The following GPRC5A variants were observed in gnomAD, a reference collection of about 807,000 sequenced individuals.
The protein encoded by GPRC5A is retinoic acid-induced protein 3.
Under a neutral mutation model 22.5 loss-of-function variants are expected in GPRC5A, and 19 were observed. The observed-to-expected ratio is 0.85, with a 90% CI of 0.59 to 1.24. GPRC5A has a LOEUF of 1.24. Ranked by LOEUF, GPRC5A falls within the 50% of genes most tolerant of loss-of-function variation. The pLI is 0.00. For missense variants in GPRC5A, 471 were observed against 451.1 expected (o/e 1.04, Z -0.40); for synonymous variants, 192 against 184.5 (o/e 1.04, Z -0.33).
Position 12,908,654 on chromosome 12 carries a change from G to A in GPRC5A, c.405G>A (p.Leu135=). The change falls in exon 2 of 4, where the codon CTG becomes CTA. Residue 135 remains leucine (L), a synonymous_variant. Transcript: ENST00000014914. ...GRKPLSLLVI[L]GLAVGFSLVQ... The stretch of plus-strand genomic sequence containing the variant: ...AGCCCCTTTCCCTGTTGGTGATTCT[G>A]GGTCTGGCCGTGGGCTTCAGCCTAG... 5 of 1,613,942 alleles carry A rather than the reference G, an allele frequency of 3.1e-6. No homozygotes were observed. The highest frequency in any genetic ancestry group is 4.2e-6 in the Non-Finnish European group (5 of 1,179,880).
At chr12:12,900,040 C>T (rs747468815) in intron 1 of GPRC5A, among the ~76,000 whole-genome samples, 6 of 152,280 alleles carry the variant, frequency 3.9e-5, no homozygotes, top group Non-Finnish European at 5.9e-5. Flanking sequence ...AAACCCAAAG[C>T]GGGAGACTCA....
At position 12,912,763 on chromosome 12, in the gene GPRC5A, C is replaced by G; in HGVS notation, c.*224C>G. The G allele has an allele frequency of 2.0e-6, 1 of 491,580 alleles. No individual in the cohort carries two copies. Among genetic ancestry groups the G allele is most frequent in the Non-Finnish European group, 3.5e-6 (1 of 282,388 alleles). The allele number at this position is 491,580 out of a possible 1,614,324, so 30.5% of individuals were successfully genotyped here. On this transcript the variant is annotated 3_prime_UTR_variant, in exon 4 of 4. Transcript: ENST00000014914. The stretch of plus-strand genomic sequence containing the variant: ...CTGTAGTATTTTTTTTTTTTTGTCT[C>G]ATCCTTTGGATACTTCTTTTAAGTG...
rs1246072159 is a variant in GPRC5A at position 12,917,392 on chromosome 12, CA to C, written c.*4854del. Reference sequence around the variant, plus strand: ...AGAAATCCTCTAGTTGGTGCCTCCACAGTCTTCATTTTACAGAGGAACTCAG... The same window carrying C: ...AGAAATCCTCTAGTTGGTGCCTCCACGTCTTCATTTTACAGAGGAACTCAG... On this transcript the variant is annotated 3_prime_UTR_variant, in exon 4 of 4. Coordinates refer to ENST00000014914, the MANE Select transcript of GPRC5A (RefSeq NM_003979.4). 2 of 152,108 alleles carry C rather than the reference CA, an allele frequency of 1.3e-5. No homozygotes were observed. Among genetic ancestry groups the C allele is most frequent in the East Asian group, 3.8e-4 (2 of 5,198 alleles). 9.4% of individuals were successfully genotyped at this position (152,108 alleles called of 1,614,324 possible).
chr12:12,911,626 C>T (rs1246829166), intron 2 of GPRC5A, among the ~76,000 whole-genome samples: 1 of 151,958 alleles, frequency 6.6e-6, no homozygotes, highest in South Asian at 2.1e-4. Flanking sequence ...GTAGCTGGGA[C>T]TACAGGTGCC....
rs59721062 is a variant in GPRC5A at position 12,914,594 on chromosome 12, T to TTCTTTCTTTCTTTCTTTCTTTCTCTCTC, written c.*2058_*2059insTTCTTTCTTTCTTTCTTTCTCTCTCTCT. ...TTTCTTTCTTTCTTTCTTTCTTTCTTTCTCTCTCTCTCTCTCTCTCTCTTT... is the reference window on the plus strand; with the variant it reads ...TTTCTTTCTTTCTTTCTTTCTTTCTTTCTTTCTTTCTTTCTTTCTTTCTCTCTCTCTCTCTCTCTCTCTCTCTCTCTTT... On this transcript the variant is annotated 3_prime_UTR_variant, in exon 4 of 4. Transcript: ENST00000014914. The TTCTTTCTTTCTTTCTTTCTTTCTCTCTC allele has an allele frequency of 6.0e-4, 49 of 81,430 alleles. No homozygotes were observed. Among genetic ancestry groups the TTCTTTCTTTCTTTCTTTCTTTCTCTCTC allele is most frequent in the South Asian group, 8.4e-4 (2 of 2,372 alleles). The allele number at this position is 81,430 out of a possible 1,614,324, so 5.0% of individuals were successfully genotyped here. A position where few individuals can be genotyped will look rare whatever the true frequency, so the allele number is the denominator to read the frequency against.
chr12:12,904,967 C>T (rs745805421), intron 1 of GPRC5A, among the ~76,000 whole-genome samples: 16 of 150,502 alleles, frequency 1.1e-4, no homozygotes, highest in Non-Finnish European at 1.3e-4. Context: ...CTCACTGCAC[C>T]TCTGCCTCCC....
chr12:12,911,521 T>A (rs1864004364), intron 2 of GPRC5A, among the ~76,000 whole-genome samples: 1 of 151,374 alleles, frequency 6.6e-6, no homozygotes, highest in Non-Finnish European at 1.5e-5. Flanking sequence ...CAGAGTCTTG[T>A]TCTGTCGCCC....
Position 12,908,346 on chromosome 12 carries a change from A to G in GPRC5A, c.97A>G (p.Thr33Ala). ...KAEAWGIVLE[T>A]VATAGVVTSV... ...TGAAGCTTGGGGCATCGTCCTAGAA[A>G]CGGTGGCCACAGCCGGGGTTGTGAC... The change falls in exon 2 of 4, where the codon ACG becomes GCG. Residue 33 changes from threonine (T) to alanine (A), a missense_variant. Thr to Ala is a moderately conservative substitution (Grantham distance 58). Coordinates refer to ENST00000014914, the MANE Select transcript of GPRC5A (RefSeq NM_003979.4). 1 of 1,614,068 alleles carries G rather than the reference A, an allele frequency of 6.2e-7. No homozygotes were observed. Among genetic ancestry groups the G allele is most frequent in the Non-Finnish European group, 8.5e-7 (1 of 1,180,002 alleles).
chr12:12,913,444 G>A lies in GPRC5A; in HGVS notation c.*905G>A, dbSNP rs1864028686. 1 of 152,268 alleles carries A rather than the reference G, an allele frequency of 6.6e-6. No individual in the cohort carries two copies. The highest frequency in any genetic ancestry group is 1.5e-5 in the Non-Finnish European group (1 of 68,050). 9.4% of individuals were successfully genotyped at this position (152,268 alleles called of 1,614,324 possible). A position where few individuals can be genotyped will look rare whatever the true frequency, so the allele number is the denominator to read the frequency against. ...CACAAGCCCGGTTGCTCCTTGTCAG[G>A]AGAATTTGTAGATCATTCTCACTTC... is the stretch of plus-strand genomic sequence containing the variant. On this transcript the variant is annotated 3_prime_UTR_variant, in exon 4 of 4. Coordinates refer to ENST00000014914, the MANE Select transcript of GPRC5A (RefSeq NM_003979.4).
rs74592374 is a variant in GPRC5A at position 12,897,483 on chromosome 12, C to T, written c.-8+5819C>T. Among the ~76,000 whole-genome samples, 50 of 152,036 alleles carry T rather than the reference C, an allele frequency of 3.3e-4. No homozygotes were observed. In the East Asian group the frequency reaches 9.3e-3, roughly 28 times the overall value. On this transcript the variant is annotated intron_variant, in intron 1 of 3. Coordinates refer to ENST00000014914, the MANE Select transcript of GPRC5A (RefSeq NM_003979.4). The stretch of plus-strand genomic sequence containing the variant: ...ACTCTAGGAAGATTTGCTTGCCTTG[C>T]ACGGAGGTGGAGACGGGAGTTAGGG...
chr12:12,900,203 T>C (rs1302827186), intron 1 of GPRC5A, among the ~76,000 whole-genome samples: 3 of 152,158 alleles, frequency 2.0e-5, no homozygotes, highest in Non-Finnish European at 2.9e-5. Flanking sequence ...CAACCTTACC[T>C]CTAGCCCTGG....
At chr12:12,899,411 G>A (rs972529777) in intron 1 of GPRC5A, among the ~76,000 whole-genome samples, 11 of 152,104 alleles carry the variant, frequency 7.2e-5, no homozygotes, top group Admixed American at 7.2e-4. Context: ...GAGAGAGGTT[G>A]GGGTCAGGGA....
Position 12,913,251 on chromosome 12 carries a change from C to T in GPRC5A, c.*712C>T, listed in dbSNP as rs1864026164. 1 of 152,788 alleles carries T rather than the reference C, an allele frequency of 6.5e-6. No homozygotes were observed. Among genetic ancestry groups the T allele is most frequent in the Admixed American group, 6.5e-5 (1 of 15,278 alleles). 9.5% of individuals were successfully genotyped at this position (152,788 alleles called of 1,614,324 possible). A position where few individuals can be genotyped will look rare whatever the true frequency, so the allele number is the denominator to read the frequency against. ...CTGGGTAGGAGAGGCTAAAGATCAC[C>T]CTAAATTTACTCATCTCTCTAGTGC... is the stretch of plus-strand genomic sequence containing the variant. On this transcript the variant is annotated 3_prime_UTR_variant, in exon 4 of 4. Coordinates refer to ENST00000014914, the MANE Select transcript of GPRC5A (RefSeq NM_003979.4).
rs1565466548 is a variant in GPRC5A at position 12,914,572 on chromosome 12, C to CTT, written c.*2035_*2036dup. ...TTCTTCTTTCTTTCTTTCTTTCTTT[C>CTT]TTTCTTTCTTTCTTTCTTTCTTTCT... On this transcript the variant is annotated 3_prime_UTR_variant, in exon 4 of 4. Coordinates refer to ENST00000014914, the MANE Select transcript of GPRC5A (RefSeq NM_003979.4). 41 of 77,268 alleles carry CTT rather than the reference C, an allele frequency of 5.3e-4. No homozygotes were observed. Among genetic ancestry groups the CTT allele is most frequent in the Admixed American group, 2.0e-3 (14 of 6,848 alleles). The allele number at this position is 77,268 out of a possible 1,614,324, so 4.8% of individuals were successfully genotyped here.
Position 12,916,130 on chromosome 12 carries a change from G to A in GPRC5A, c.*3591G>A. On this transcript the variant is annotated 3_prime_UTR_variant, in exon 4 of 4. Coordinates refer to ENST00000014914, the MANE Select transcript of GPRC5A (RefSeq NM_003979.4). ...GGCTTTGACATCTGAGAATCAAACT[G>A]GAGAACATTCCGAAGCCGTTCTTAT... 5.6e-6 allele frequency: 1 copy of A among 177,458 alleles called. No homozygotes were observed. Among genetic ancestry groups the A allele is most frequent in the Non-Finnish European group, 1.2e-5 (1 of 80,266 alleles). The allele number at this position is 177,458 out of a possible 1,614,324, so 11.0% of individuals were successfully genotyped here.
rs1156286591 is a variant in GPRC5A, at chr12:12,900,043, G to T, written c.-7-8200G>T. On this transcript the variant is annotated intron_variant, in intron 1 of 3. Transcript: ENST00000014914. ...GTCTCAGGTTAGAAACCCAAAGCGG[G>T]AGACTCATCACATGTTCACGTTTTT... is the stretch of plus-strand genomic sequence containing the variant. 2.0e-5 allele frequency among the ~76,000 whole-genome samples: 3 copies of T among 152,208 alleles called. No homozygotes were observed. The East Asian group carries it at 5.8e-4, about 29-fold the overall frequency.
At position 12,908,663 on chromosome 12, in the gene GPRC5A, C is replaced by T. The variant is rs372744055; in HGVS notation, c.414C>T (p.Ala138=). 13 of 1,613,670 alleles carry T rather than the reference C, an allele frequency of 8.1e-6. 1 individual carries two copies. The highest frequency in any genetic ancestry group is 8.0e-5 in the African/African-American group (6 of 74,910). The change falls in exon 2 of 4, where the codon GCC becomes GCT. Residue 138 remains alanine (A), a synonymous_variant. Coordinates refer to ENST00000014914, the MANE Select transcript of GPRC5A (RefSeq NM_003979.4). Reference sequence around the variant, plus strand: ...CCCTGTTGGTGATTCTGGGTCTGGCCGTGGGCTTCAGCCTAGTCCAGGATG... The same window carrying T: ...CCCTGTTGGTGATTCTGGGTCTGGCTGTGGGCTTCAGCCTAGTCCAGGATG... The part of the protein sequence containing the change: ...PLSLLVILGL[A]VGFSLVQDVI...
chr12:12,902,304 A>G (rs1179087004), intron 1 of GPRC5A, among the ~76,000 whole-genome samples: 2 of 152,136 alleles, frequency 1.3e-5, no homozygotes, highest in African/African-American at 4.8e-5. Flanking sequence ...TGATAATTCC[A>G]AACTAATTAG....
intron 2 of GPRC5A, among the ~76,000 whole-genome samples, chr12:12,910,295 G>A (rs1251928827): frequency 6.6e-6 from 1 of 152,106 alleles, no homozygotes; most frequent in African/African-American, 2.4e-5. Context: ...GAAGGGAGGC[G>A]GAGGAGGGCA....
Sources: allele counts gnomAD v4.1 joint callset (sites outside exome capture counted in the v4.1 genomes callset), GRCh38; gene constraint gnomAD v4.1.1; transcripts MANE v1.5; gene names NCBI Gene and HGNC (gene_info 2026-07-23, HGNC 2026-07-21).